DOCK3: variants seen among roughly 807,000 people sequenced by gnomAD.
The protein encoded by DOCK3 is dedicator of cytokinesis 3.
In DOCK3, 60 loss-of-function variants were observed where a neutral mutation model predicts 265.6. The ratio of observed to expected loss-of-function variants is 0.23; its 90% confidence interval spans 0.18 to 0.28. DOCK3 has a LOEUF of 0.28. Ranked by LOEUF, DOCK3 falls within the 10% of genes least tolerant of loss-of-function variation. The pLI, the probability that DOCK3 is intolerant of heterozygous loss-of-function variation, is 1.00. For missense variants in DOCK3, 1,981 were observed against 2,594.3 expected (o/e 0.76, Z 5.14); for synonymous variants, 881 against 938.0 (o/e 0.94, Z 1.11).
intron 27 of DOCK3, among the ~76,000 whole-genome samples, chr3:51,293,853 T>C (rs1455287199): frequency 6.6e-6 from 1 of 152,180 alleles, no homozygotes; most frequent in Non-Finnish European, 1.5e-5. Context: ...GAAAAAATGC[T>C]CAATATTTCT....
intron 1 of DOCK3, among the ~76,000 whole-genome samples, chr3:50,743,366 A>T (rs1409941309): frequency 6.6e-6 from 1 of 151,944 alleles, no homozygotes; most frequent in Non-Finnish European, 1.5e-5. Flanking sequence ...ATGTAAATGG[A>T]CTAAAAGCTC....
chr3:51,084,460 G>T (rs934528937), intron 7 of DOCK3, among the ~76,000 whole-genome samples: 1 of 152,084 alleles, frequency 6.6e-6, no homozygotes, highest in Non-Finnish European at 1.5e-5. Context: ...ATTGGTGGGG[G>T]CATGAGGGGA....
chr3:51,128,152 CA>C (rs1192815313), intron 9 of DOCK3, among the ~76,000 whole-genome samples: 2 of 152,098 alleles, frequency 1.3e-5, no homozygotes, highest in Non-Finnish European at 2.9e-5. Context: ...ACCTCTAGGC[CA>C]GCAGAATATA....
At chr3:50,959,489 C>T (rs1391928328) in intron 5 of DOCK3, among the ~76,000 whole-genome samples, 3 of 150,848 alleles carry the variant, frequency 2.0e-5, no homozygotes, top group Non-Finnish European at 4.4e-5. Flanking sequence ...CTGCATCTTC[C>T]CATTTTCAAT....
At chr3:50,812,592 C>A (rs2043826468) in intron 2 of DOCK3, among the ~76,000 whole-genome samples, 1 of 152,188 alleles carries the variant, frequency 6.6e-6, no homozygotes, top group African/African-American at 2.4e-5. Flanking sequence ...GGGCAGAAGA[C>A]CAGTGTTCCA....
Position 51,381,551 on chromosome 3 carries a change from G to A in DOCK3, c.6085G>A (p.Glu2029Lys), listed in dbSNP as rs1553618829. ...CATGGCCTGGGAGCACGGCCGAGGG[G>A]AGCAGTGAGGGGCAACGAGGCGGCT... Reference protein sequence around the residue: ...ARMAWEHGRGEQ With the variant: ...ARMAWEHGRGKQ Residue 2029 changes from glutamate (E) to lysine (K), a missense_variant, in exon 53 of 53, where the codon GAG becomes AAG. This residue lies in a region of DOCK3 where 149 missense variants were observed against 144.7 expected (regional missense o/e 1.03). Coordinates refer to ENST00000266037, the MANE Select transcript of DOCK3 (RefSeq NM_004947.5). This position sits in a 1 kb window ranked among gnomAD's most constrained non-coding sequence, Gnocchi z 5.6. 6.6e-7 allele frequency: 1 copy of A among 1,526,286 alleles called. No homozygotes were observed. The highest frequency in any genetic ancestry group is 8.8e-7 in the Non-Finnish European group (1 of 1,140,448). The allele number at this position is 1,526,286 out of a possible 1,614,324, so 94.5% of individuals were successfully genotyped here.
At chr3:50,974,754 G>C (rs1258713248) in intron 5 of DOCK3, among the ~76,000 whole-genome samples, 4 of 134,732 alleles carry the variant, frequency 3.0e-5, no homozygotes, top group South Asian at 5.7e-4. Context: ...TCACGATATT[G>C]ATTCTTCCTA....
Position 51,381,147 on chromosome 3 carries a change from C to A in DOCK3, c.5681C>A (p.Ser1894Tyr). 5.6e-6 allele frequency: 9 copies of A among 1,613,956 alleles called. No individual in the cohort carries two copies. The highest frequency in any genetic ancestry group is 7.6e-6 in the Non-Finnish European group (9 of 1,179,890). Residue 1894 changes from serine to tyrosine, a missense_variant, in exon 53 of 53, where the codon TCC becomes TAC. By Grantham distance (144) the Ser-to-Tyr change is moderately radical. Coordinates refer to ENST00000266037, the MANE Select transcript of DOCK3 (RefSeq NM_004947.5). This position sits in a 1 kb window ranked among gnomAD's most constrained non-coding sequence, Gnocchi z 5.6. ...TLSGSASSGV[S>Y]SLSESNFGHS... is the part of the protein sequence containing the mutation. The stretch of plus-strand genomic sequence containing the variant: ...TCCGGCAGTGCCAGCAGCGGCGTGT[C>A]CTCCTTGAGTGAGAGTAACTTTGGG...
intron 5 of DOCK3, among the ~76,000 whole-genome samples, chr3:51,059,536 A>G (rs1257822302): frequency 6.6e-6 from 1 of 151,908 alleles, no homozygotes; most frequent in Admixed American, 6.6e-5. Flanking sequence ...CACAGATCTC[A>G]GAACTACCTA....
At chr3:50,815,577 A>T (rs1459929123) in intron 2 of DOCK3, among the ~76,000 whole-genome samples, 1 of 151,320 alleles carries the variant, frequency 6.6e-6, no homozygotes, top group Non-Finnish European at 1.5e-5. Flanking sequence ...CCTCTGGGAA[A>T]TCCTCTGGGA....
chr3:51,071,696 A>C lies in DOCK3; in HGVS notation c.465-3660A>C, dbSNP rs79295445. Among the ~76,000 whole-genome samples, 530 of 152,348 alleles carry C rather than the reference A, an allele frequency of 3.5e-3. 4 individuals carry two copies. Among genetic ancestry groups the C allele is most frequent in the African/African-American group, 0.012 (509 of 41,578 alleles). On this transcript the variant is annotated intron_variant, in intron 6 of 52. Transcript: ENST00000266037. ...CAAGATACAGACCAGCCGATCTGACATCAGAACCCATGCTCCTTAATACTG... is the reference window on the plus strand; with the variant it reads ...CAAGATACAGACCAGCCGATCTGACCTCAGAACCCATGCTCCTTAATACTG...
At chr3:50,693,566 C>T (rs1473892268) in intron 1 of DOCK3, among the ~76,000 whole-genome samples, 1 of 120,528 alleles carries the variant, frequency 8.3e-6, no homozygotes, top group Non-Finnish European at 1.6e-5. Context: ...GACAGAGTCT[C>T]ACTCTGTCGC....
At chr3:50,824,307 A>G (rs898638593) in intron 2 of DOCK3, among the ~76,000 whole-genome samples, 4 of 152,216 alleles carry the variant, frequency 2.6e-5, no homozygotes, top group Admixed American at 1.3e-4. Flanking sequence ...GGAATTATAT[A>G]AGAGTTTGCT....
At chr3:51,375,293 ACAGCAAGTCCTG>A (rs1325087698) in intron 50 of DOCK3, among the ~76,000 whole-genome samples, 1 of 152,144 alleles carries the variant, frequency 6.6e-6, no homozygotes. Context: ...GCCCATTAAA[ACAGCAAGTCCTG>A]TCTGTGACTC....
At chr3:50,971,971 A>T (rs2077250518) in intron 5 of DOCK3, among the ~76,000 whole-genome samples, 1 of 152,190 alleles carries the variant, frequency 6.6e-6, no homozygotes, top group South Asian at 2.1e-4. Context: ...CAGGAATATG[A>T]TCCACTTCCC....
chr3:51,283,848 T>C (rs1380958527), intron 27 of DOCK3, among the ~76,000 whole-genome samples: 2 of 152,110 alleles, frequency 1.3e-5, no homozygotes, highest in Admixed American at 6.5e-5. Flanking sequence ...TGTGGTTTCG[T>C]ATGGGCATGT....
At chr3:50,700,320 A>G (rs1167032719) in intron 1 of DOCK3, among the ~76,000 whole-genome samples, 1 of 152,236 alleles carries the variant, frequency 6.6e-6, no homozygotes, top group East Asian at 1.9e-4. Context: ...CTTTTCTGAA[A>G]TATACAATAA....
intron 5 of DOCK3, among the ~76,000 whole-genome samples, chr3:51,036,584 A>G (rs773772616): frequency 6.6e-6 from 1 of 152,138 alleles, no homozygotes; most frequent in Non-Finnish European, 1.5e-5. Context: ...AGAATGCTGA[A>G]CTTCATACTA....
chr3:50,942,737 AT>A (rs35478621), intron 5 of DOCK3, among the ~76,000 whole-genome samples: 9 of 151,172 alleles, frequency 6.0e-5, no homozygotes, highest in South Asian at 4.2e-4. Context: ...AGGAGAAGCA[AT>A]TTTTTTTTGC....
Sources: allele counts gnomAD v4.1 joint callset (sites outside exome capture counted in the v4.1 genomes callset), GRCh38; gene constraint gnomAD v4.1.1; regional missense constraint gnomAD v4.1.1; non-coding constraint Gnocchi (gnomAD v3.1); transcripts MANE v1.5; gene names NCBI Gene and HGNC (gene_info 2026-07-23, HGNC 2026-07-21).